Variants in XRCC4 observed in about 807,000 individuals in gnomAD.
XRCC4 encodes X-ray repair cross complementing 4, also known as DNA repair protein XRCC4.
Under a neutral mutation model 39.1 loss-of-function variants are expected in XRCC4, and 28 were observed. That is an observed-to-expected ratio of 0.72 (90% CI 0.53 to 0.98). The LOEUF is 0.98. XRCC4 is among the 50% of genes least tolerant of loss of function. XRCC4 has a pLI of 0.00. For synonymous variants in XRCC4, 123 were observed against 126.4 expected (o/e 0.97, Z 0.18); for missense variants, 350 against 376.4 (o/e 0.93, Z 0.58).
At chr5:83,081,593 A>G (rs928762387) in intron 1 of XRCC4, among the ~76,000 whole-genome samples, 5 of 152,170 alleles carry the variant, frequency 3.3e-5, no homozygotes, top group Admixed American at 1.3e-4. Context: ...TAAAATAACC[A>G]TTTTACTATC....
chr5:83,326,718 C>T (rs902366515), intron 7 of XRCC4, among the ~76,000 whole-genome samples: 13 of 151,874 alleles, frequency 8.6e-5, no homozygotes, highest in African/African-American at 3.1e-4. Context: ...GCAACCAAGT[C>T]GTGCCAGAAA....
At chr5:83,372,583 A>G in the XRCC4 span, among the ~76,000 whole-genome samples, 1 of 152,208 alleles carries the variant, frequency 6.6e-6, no homozygotes, top group African/African-American at 2.4e-5. Flanking sequence ...TAAATAAATA[A>G]TATGTCATAC....
chr5:83,363,694 G>T, the XRCC4 span, among the ~76,000 whole-genome samples: 3 of 152,172 alleles, frequency 2.0e-5, no homozygotes, highest in African/African-American at 7.2e-5. Context: ...CTAGTACTTG[G>T]CCCTTGGGCT....
At chr5:83,276,436 ATCCAT>A (rs1443405112) in intron 7 of XRCC4, among the ~76,000 whole-genome samples, 1 of 150,628 alleles carries the variant, frequency 6.6e-6, no homozygotes, top group Non-Finnish European at 1.5e-5. Flanking sequence ...GAAGGGATTA[ATCCAT>A]TCATTTATGA....
intron 7 of XRCC4, among the ~76,000 whole-genome samples, chr5:83,269,107 A>G (rs1754051285): frequency 1.3e-5 from 2 of 152,160 alleles, no homozygotes; most frequent in Admixed American, 6.6e-5. Context: ...GGTCTCAAGT[A>G]TATTTTTGGA....
intron 7 of XRCC4, among the ~76,000 whole-genome samples, chr5:83,279,462 CAG>C (rs1449231113): frequency 3.9e-5 from 6 of 152,154 alleles, no homozygotes; most frequent in African/African-American, 1.4e-4. Flanking sequence ...CCTTCATTAA[CAG>C]TGTTTTTAAG....
chr5:83,188,377 G>A (rs1200064412), intron 3 of XRCC4, among the ~76,000 whole-genome samples: 1 of 151,930 alleles, frequency 6.6e-6, no homozygotes, highest in African/African-American at 2.4e-5. Flanking sequence ...CCAGATATGT[G>A]GTCAGACATT....
At chr5:83,133,299 A>G (rs1032952014) in intron 3 of XRCC4, among the ~76,000 whole-genome samples, 1 of 152,056 alleles carries the variant, frequency 6.6e-6, no homozygotes, top group Non-Finnish European at 1.5e-5. Context: ...GTCGGCCCCT[A>G]CTGGGAGGTG....
At chr5:83,110,504 AG>A (rs1481423747) in intron 2 of XRCC4, among the ~76,000 whole-genome samples, 1 of 151,996 alleles carries the variant, frequency 6.6e-6, no homozygotes, top group Non-Finnish European at 1.5e-5. Context: ...CGTACATTTT[AG>A]TTTCCTTCCT....
At chr5:83,336,600 A>G (rs1756601251) in intron 7 of XRCC4, among the ~76,000 whole-genome samples, 1 of 152,178 alleles carries the variant, frequency 6.6e-6, no homozygotes, top group African/African-American at 2.4e-5. Flanking sequence ...TTGTTTCTCA[A>G]TAGCCAGATA....
chr5:83,242,162 TTG>T (rs60919474), intron 6 of XRCC4, among the ~76,000 whole-genome samples: 32,427 of 145,014 alleles, frequency 0.22, 3,495 homozygotes, highest in Non-Finnish European at 0.26. Context: ...CGTATACACA[TTG>T]TGTGTGTGTG....
At chr5:83,227,778 C>CT (rs1752346296) in intron 6 of XRCC4, among the ~76,000 whole-genome samples, 1 of 152,020 alleles carries the variant, frequency 6.6e-6, no homozygotes, top group Non-Finnish European at 1.5e-5. Flanking sequence ...TCTACTCAGG[C>CT]TTTTTCTCTC....
chr5:83,226,484 C>G (rs1040800313), intron 6 of XRCC4, among the ~76,000 whole-genome samples: 1 of 152,044 alleles, frequency 6.6e-6, no homozygotes, highest in Non-Finnish European at 1.5e-5. Context: ...ACAGCCTTTT[C>G]CATTACATAT....
intron 4 of XRCC4, among the ~76,000 whole-genome samples, chr5:83,203,061 G>A (rs182468270): frequency 9.9e-5 from 15 of 151,872 alleles, no homozygotes; most frequent in African/African-American, 2.9e-4. Context: ...TGTGGTGCTC[G>A]CTTATAAGAA....
At chr5:83,115,026 C>T (rs368621176) in intron 3 of XRCC4, among the ~76,000 whole-genome samples, 11 of 152,082 alleles carry the variant, frequency 7.2e-5, no homozygotes, top group African/African-American at 2.4e-4. Context: ...TTTATAAAAC[C>T]TTTAGATCTC....
chr5:83,185,014 A>C (rs899302877), intron 3 of XRCC4, among the ~76,000 whole-genome samples: 23 of 152,280 alleles, frequency 1.5e-4, no homozygotes, highest in African/African-American at 5.5e-4. Flanking sequence ...TGAGGTCAAT[A>C]CTGGGATTCT....
chr5:83,362,294 C>CAAAAAAAAAAAAAAAAAAAAAAAA, the XRCC4 span, among the ~76,000 whole-genome samples: 1 of 73,184 alleles, frequency 1.4e-5, no homozygotes, highest in East Asian at 5.0e-4. Flanking sequence ...GCTATTTAGG[C>CAAAAAAAAAAAAAAAAAAAAAAAA]AAAAAAAAAA....
At chr5:83,132,805 G>A (rs1040484883) in intron 3 of XRCC4, among the ~76,000 whole-genome samples, 1 of 151,964 alleles carries the variant, frequency 6.6e-6, no homozygotes, top group African/African-American at 2.4e-5. Flanking sequence ...AAGGTTATTA[G>A]CTTCTTTTCA....
downstream of XRCC4, among the ~76,000 whole-genome samples, chr5:83,357,358 G>C (rs1757201743): frequency 6.6e-6 from 1 of 152,150 alleles, no homozygotes; most frequent in Admixed American, 6.5e-5. Context: ...ATAATATGAA[G>C]GAGTGGTAGT....
Sources: allele counts gnomAD v4.1 joint callset (sites outside exome capture counted in the v4.1 genomes callset), GRCh38; gene constraint gnomAD v4.1.1; transcripts MANE v1.5; gene names NCBI Gene and HGNC (gene_info 2026-07-23, HGNC 2026-07-21).